The following ELP4 variants were observed in gnomAD, a reference collection of about 807,000 sequenced individuals.
ELP4 encodes elongator acetyltransferase complex subunit 4.
ELP4 carries 51 observed loss-of-function variants against 48.9 expected under a neutral mutation model. The observed-to-expected ratio is 1.04, with a 90% confidence interval of 0.83 to 1.32. The LOEUF is 1.32. ELP4 is among the 40% of genes most tolerant of loss of function. ELP4 has a pLI of 0.00. For synonymous variants in ELP4, 210 were observed against 189.2 expected, an observed-to-expected ratio of 1.11 and a Z score of -0.90; for missense variants, 519 against 514.6, an observed-to-expected ratio of 1.01 and a Z score of -0.08.
At chr11:31,714,032 ATAT>A (rs1946793269) in intron 9 of ELP4, among the ~76,000 whole-genome samples, 1 of 152,134 alleles carries the variant, frequency 6.6e-6, no homozygotes, top group Non-Finnish European at 1.5e-5. Context: ...TAGAGTAGAA[ATAT>A]TATAAGAGAT....
At chr11:31,654,492 TA>T (rs986449320) in intron 9 of ELP4, 19 of 151,814 alleles carry the variant, frequency 1.3e-4, no homozygotes, top group African/African-American at 3.6e-4. Context: ...AAGTAGCTAT[TA>T]TTTTTTATGT....
intron 9 of ELP4, among the ~76,000 whole-genome samples, chr11:31,757,069 C>G (rs2134247774): frequency 6.6e-6 from 1 of 152,292 alleles, no homozygotes; most frequent in Middle Eastern, 3.4e-3. Context: ...AGAACTATCA[C>G]CAAAAACTGT....
At chr11:31,737,682 G>A (rs930133337) in intron 9 of ELP4, among the ~76,000 whole-genome samples, 1 of 152,002 alleles carries the variant, frequency 6.6e-6, no homozygotes, top group African/African-American at 2.4e-5. Context: ...GACTTGAATC[G>A]ACATTTCTTC....
chr11:31,781,488 CTTTTTTTTTTTTTTTT>C (rs141365629), intron 9 of ELP4, among the ~76,000 whole-genome samples: 17 of 67,436 alleles, frequency 2.5e-4, no homozygotes, highest in African/African-American at 7.0e-4. Flanking sequence ...ATTCCTGAGC[CTTTTTTTTTTTTTTTT>C]TTTTTTTTTT....
At chr11:31,622,982 A>G (rs1368858443) in intron 5 of ELP4, among the ~76,000 whole-genome samples, 2 of 151,550 alleles carry the variant, frequency 1.3e-5, no homozygotes, top group Non-Finnish European at 1.5e-5. Flanking sequence ...TGTTCTTTGT[A>G]TAGCTAATAG....
chr11:31,571,853 C>T (rs918936795), intron 3 of ELP4, among the ~76,000 whole-genome samples: 4 of 152,088 alleles, frequency 2.6e-5, no homozygotes, highest in Admixed American at 2.0e-4. Context: ...TTAAAATATT[C>T]GGAAAACCAT....
At position 31,509,899 on chromosome 11, in the gene ELP4, A is replaced by G; in HGVS notation, c.115A>G (p.Thr39Ala). The change falls in exon 1 of 10, where the codon ACC (threonine) becomes GCC (alanine). Residue 39 changes from threonine to alanine, a missense_variant. Physicochemically the swap from Thr to Ala is moderately conservative, Grantham distance 58. Transcript: ENST00000640961. The stretch of plus-strand genomic sequence containing the variant: ...GAGGAGGGGTCCTAGAGCCAGCGTG[A>G]CCAACGACAGCGGCCCTCGACTGGT... ...FQRRGPRASVTNDSGPRLVSI... is the reference protein window; with the variant it reads ...FQRRGPRASVANDSGPRLVSI... 1 of 1,614,116 alleles carries G rather than the reference A, an allele frequency of 6.2e-7. No homozygotes were observed. Among genetic ancestry groups the G allele is most frequent in the East Asian group, 2.2e-5 (1 of 44,876 alleles).
intron 9 of ELP4, among the ~76,000 whole-genome samples, chr11:31,702,693 A>G (rs1946551556): frequency 6.6e-6 from 1 of 152,134 alleles, no homozygotes; most frequent in Non-Finnish European, 1.5e-5. Flanking sequence ...TTCATTTAAT[A>G]TATGTTAGTT....
Position 31,532,770 on chromosome 11 carries a change from GT to G in ELP4, c.260-6874del, listed in dbSNP as rs1166501622. On this transcript the variant is annotated intron_variant, in intron 2 of 9. Transcript: ENST00000640961. ...AAGTACAGATTTCTTTTTTTTGTTGGTTTTTTTTTTTTTTTTTTGAAATGGA... is the reference window on the plus strand; with the variant it reads ...AAGTACAGATTTCTTTTTTTTGTTGGTTTTTTTTTTTTTTTTTGAAATGGA... 4.8e-3 allele frequency among the ~76,000 whole-genome samples: 597 copies of G among 123,494 alleles called. 11 individuals carry two copies. The East Asian group carries it at 0.081, about 17-fold the overall frequency. The allele number at this position is 123,494 out of a possible 152,430, so 81.0% of individuals were successfully genotyped here.
rs186495466 is a variant in ELP4, at chr11:31,789,901, T to A, written c.*6377T>A. 1.9e-5 allele frequency: 29 copies of A among 1,545,650 alleles called. No individual in the cohort carries two copies. In the African/African-American group the frequency reaches 3.9e-4, roughly 21 times the overall value. Reference sequence around the variant, plus strand: ...ATAGTCACTGACTGAATTAACACAATATTTCCTTTCCTTTTTTTTTTTTTT... The same window carrying A: ...ATAGTCACTGACTGAATTAACACAAAATTTCCTTTCCTTTTTTTTTTTTTT... On this transcript the variant is annotated 3_prime_UTR_variant, in exon 10 of 10. Transcript: ENST00000640961.
chr11:31,732,984 A>G (rs1346158363), intron 9 of ELP4, among the ~76,000 whole-genome samples: 2 of 152,120 alleles, frequency 1.3e-5, no homozygotes, highest in Non-Finnish European at 2.9e-5. Flanking sequence ...GAGATTTCAT[A>G]CCCCACTTTA....
intron 3 of ELP4, among the ~76,000 whole-genome samples, chr11:31,579,576 A>G (rs1250452585): frequency 6.6e-6 from 1 of 152,206 alleles, no homozygotes; most frequent in African/African-American, 2.4e-5. Context: ...AAAATGAGGC[A>G]CATATACACT....
intron 9 of ELP4, among the ~76,000 whole-genome samples, chr11:31,660,426 C>T (rs1945530779): frequency 6.6e-6 from 1 of 152,058 alleles, no homozygotes; most frequent in Admixed American, 6.6e-5. Context: ...CCTTGTTGAT[C>T]CTGTAAATAA....
intron 3 of ELP4, among the ~76,000 whole-genome samples, 160 bp downstream of exon 3, chr11:31,539,943 T>C (rs917446781): frequency 6.6e-6 from 1 of 152,220 alleles, no homozygotes; most frequent in African/African-American, 2.4e-5. Flanking sequence ...GTATCAAATT[T>C]ATTTGAACAT....
intron 3 of ELP4, among the ~76,000 whole-genome samples, chr11:31,545,835 T>C (rs1437217379): frequency 6.6e-6 from 1 of 152,152 alleles, no homozygotes; most frequent in African/African-American, 2.4e-5. Flanking sequence ...ATATTGAACA[T>C]TCTTAAAGAA....
chr11:31,763,945 A>G (rs1592290648), intron 9 of ELP4, among the ~76,000 whole-genome samples: 1 of 152,038 alleles, frequency 6.6e-6, no homozygotes, highest in Non-Finnish European at 1.5e-5. Flanking sequence ...AGTCATGGCT[A>G]TTCTTTAAAC....
chr11:31,575,097 G>A (rs1320087499), intron 3 of ELP4, among the ~76,000 whole-genome samples: 1 of 152,212 alleles, frequency 6.6e-6, no homozygotes, highest in Non-Finnish European at 1.5e-5. Flanking sequence ...ATCCTTAAAT[G>A]ACCTGATGGA....
chr11:31,752,179 A>G (rs926203800), intron 9 of ELP4, among the ~76,000 whole-genome samples: 23 of 152,280 alleles, frequency 1.5e-4, no homozygotes, highest in African/African-American at 5.3e-4. Flanking sequence ...CACTGCTACT[A>G]TTGCTACTAC....
chr11:31,660,458 T>C (rs1945531240), intron 9 of ELP4, among the ~76,000 whole-genome samples: 1 of 152,170 alleles, frequency 6.6e-6, no homozygotes, highest in Non-Finnish European at 1.5e-5. Context: ...TCTCTTGTAG[T>C]CAGTAGGCAA....
Sources: gnomAD v4.1 joint callset for allele counts (sites outside exome capture counted in the v4.1 genomes callset) on GRCh38, gnomAD v4.1.1 for gene constraint, MANE v1.5 for transcripts, NCBI Gene and HGNC (gene_info 2026-07-23, HGNC 2026-07-21) for gene names.